Variants in MEMO1 observed in about 807,000 individuals in gnomAD.
MEMO1 encodes the protein mediator of cell motility 1, also known as protein MEMO1.
Under a neutral mutation model 45.2 loss-of-function variants are expected in MEMO1, and 6 were observed. The ratio of observed to expected loss-of-function variants is 0.13; its 90% CI spans 0.07 to 0.26. The LOEUF (loss-of-function observed/expected upper bound fraction) is 0.26, where lower values mean the gene tolerates loss of function less well. MEMO1 is among the 10% of genes least tolerant of loss of function. The pLI is 1.00. For synonymous variants in MEMO1, 78 were observed against 124.3 expected, an observed-to-expected ratio of 0.63 and a Z score of 2.48; for missense variants, 184 against 370.5, an observed-to-expected ratio of 0.50 and a Z score of 4.13.
intron 6 of MEMO1, among the ~76,000 whole-genome samples, chr2:31,913,053 C>T (rs1174748018): frequency 3.3e-5 from 5 of 151,988 alleles, no homozygotes; most frequent in East Asian, 1.9e-4. Context: ...CCAAGGCGGG[C>T]GGATCACGAG....
rs180843355 is a variant in MEMO1, at chr2:31,979,789, T to C, written c.61+30398A>G. ...TGATGATTGTCAGAAAAATCACAATTTAAAGATAGATATTGCTAACTTCTA... is the reference window on the plus strand; with the variant it reads ...TGATGATTGTCAGAAAAATCACAATCTAAAGATAGATATTGCTAACTTCTA... On this transcript the variant is annotated intron_variant, in intron 2 of 9. Transcript: ENST00000404530. 9.0e-4 allele frequency among the ~76,000 whole-genome samples: 137 copies of C among 152,240 alleles called. 1 individual carries two copies. The highest frequency in any genetic ancestry group is 3.1e-3 in the African/African-American group (128 of 41,562).
At chr2:31,991,669 T>C (rs769412022) in intron 2 of MEMO1, among the ~76,000 whole-genome samples, 1 of 65,986 alleles carries the variant, frequency 1.5e-5, no homozygotes, top group Non-Finnish European at 2.8e-5. Context: ...TAAGCCAATA[T>C]TAAGCCATAA....
In MEMO1 at chr2:31,943,271, CAAAACAAAAACA is replaced by C. The variant is rs772267665; in HGVS notation, c.143+19_143+30del. On this transcript the variant is annotated intron_variant, in intron 3 of 9. Transcript: ENST00000404530. ...CACAGGGAGACTCCTTCTCAAAAAA[CAAAACAAAAACA>C]AAAACAAAAAAGACTTACGGGGCAA... The C allele has an allele frequency of 1.3e-6, 2 of 1,564,522 alleles. No homozygotes were observed. The highest frequency in any genetic ancestry group is 1.7e-5 in the Admixed American group (1 of 59,830).
chr2:31,894,801 G>C (rs1423893478), intron 6 of MEMO1, among the ~76,000 whole-genome samples: 9 of 152,138 alleles, frequency 5.9e-5, no homozygotes, highest in African/African-American at 2.2e-4. Context: ...ATACTTAGTT[G>C]ATTCTTTCTT....
In MEMO1 at chr2:31,912,521, A is replaced by G. The variant is rs417031; in HGVS notation, c.437+5405T>C. On this transcript the variant is annotated intron_variant, in intron 6 of 9. Coordinates refer to ENST00000404530, the MANE Select transcript of MEMO1 (RefSeq NM_001301833.4). The stretch of plus-strand genomic sequence containing the variant: ...AGAATGAAACTCTGTCTCAAAAAAA[A>G]AAAAAAAAAAAGCAATTATAATAGT... 9.0e-3 allele frequency among the ~76,000 whole-genome samples: 1,366 copies of G among 151,122 alleles called. 19 individuals carry two copies. Among genetic ancestry groups the G allele is most frequent in the African/African-American group, 0.031 (1,269 of 41,358 alleles).
At chr2:31,880,292 C>G (rs1675164037) in intron 8 of MEMO1, among the ~76,000 whole-genome samples, 1 of 152,040 alleles carries the variant, frequency 6.6e-6, no homozygotes, top group African/African-American at 2.4e-5. Context: ...AGTTAAACAA[C>G]TGAAATGAAA....
intron 2 of MEMO1, among the ~76,000 whole-genome samples, chr2:31,998,730 G>A (rs902791299): frequency 1.3e-5 from 2 of 151,818 alleles, no homozygotes; most frequent in East Asian, 3.9e-4. Context: ...AACCCAGGAG[G>A]CGGACATTGC....
Position 31,884,519 on chromosome 2 carries a change from T to C in MEMO1, c.581-1057A>G, listed in dbSNP as rs34753532. Reference sequence around the variant, plus strand: ...GAAGACATGGAACTCTTCGGCTAGATAATTAAGATTTTTAAGTTTTCTGTT... The same window carrying C: ...GAAGACATGGAACTCTTCGGCTAGACAATTAAGATTTTTAAGTTTTCTGTT... On this transcript the variant is annotated intron_variant, in intron 7 of 9. Coordinates refer to ENST00000404530, the MANE Select transcript of MEMO1 (RefSeq NM_001301833.4). Among the ~76,000 whole-genome samples the C allele has an allele frequency of 7.0e-3, 1,071 of 152,294 alleles. 4 individuals are homozygous for C. Among genetic ancestry groups the C allele is most frequent in the Non-Finnish European group, 0.012 (811 of 68,004 alleles).
At chr2:31,902,721 C>A (rs545172962) in intron 6 of MEMO1, among the ~76,000 whole-genome samples, 1 of 152,208 alleles carries the variant, frequency 6.6e-6, no homozygotes, top group South Asian at 2.1e-4. Context: ...AATCCAAGAA[C>A]CTCCCCCTCA....
intron 2 of MEMO1, among the ~76,000 whole-genome samples, chr2:31,965,809 T>C (rs902964167): frequency 3.3e-5 from 5 of 151,976 alleles, no homozygotes; most frequent in African/African-American, 1.2e-4. Flanking sequence ...AAACACACTG[T>C]GGCCTGTCAG....
intron 6 of MEMO1, among the ~76,000 whole-genome samples, chr2:31,911,073 G>C (rs1422045093): frequency 6.6e-6 from 1 of 151,904 alleles, no homozygotes; most frequent in African/African-American, 2.4e-5. Context: ...GCAATGATTA[G>C]AAAAGGATAG....
intron 2 of MEMO1, among the ~76,000 whole-genome samples, chr2:31,960,977 T>A (rs543734634): frequency 6.6e-6 from 1 of 152,236 alleles, no homozygotes; most frequent in African/African-American, 2.4e-5. Context: ...AAAAGTTTGC[T>A]AAGCAAATAC....
chr2:31,989,018 C>T (rs1671615384), intron 2 of MEMO1, among the ~76,000 whole-genome samples: 1 of 151,780 alleles, frequency 6.6e-6, no homozygotes, highest in Non-Finnish European at 1.5e-5. Context: ...ACCAGCCTGA[C>T]CAACATGGAG....
At chr2:31,983,436 G>T (rs374942114) in intron 2 of MEMO1, among the ~76,000 whole-genome samples, 1 of 151,600 alleles carries the variant, frequency 6.6e-6, no homozygotes, top group East Asian at 1.9e-4. Context: ...TTAGTTTTTT[G>T]TTTTTTTTGT....
At chr2:31,991,337 C>T (rs186504562) in intron 2 of MEMO1, among the ~76,000 whole-genome samples, 1 of 152,134 alleles carries the variant, frequency 6.6e-6, no homozygotes, top group African/African-American at 2.4e-5. Flanking sequence ...CTTTGGGAGC[C>T]GAGGTGGGAG....
At chr2:31,895,426 T>C (rs1179140700) in intron 6 of MEMO1, among the ~76,000 whole-genome samples, 1 of 152,030 alleles carries the variant, frequency 6.6e-6, no homozygotes, top group Non-Finnish European at 1.5e-5. Flanking sequence ...AAGAAATAAA[T>C]GCAAACTATT....
At chr2:31,978,468 T>C (rs1369477011) in intron 2 of MEMO1, among the ~76,000 whole-genome samples, 1 of 152,226 alleles carries the variant, frequency 6.6e-6, no homozygotes, top group Non-Finnish European at 1.5e-5. Context: ...GCTATAATTA[T>C]TAAAGAGAAT....
At chr2:31,930,269 CTTAA>C (rs901536830) in intron 4 of MEMO1, among the ~76,000 whole-genome samples, 17 of 151,446 alleles carry the variant, frequency 1.1e-4, no homozygotes, top group East Asian at 1.9e-4. Flanking sequence ...CTCAAAAATA[CTTAA>C]TTAATTAATT....
chr2:31,993,685 T>C (rs1672210026), intron 2 of MEMO1, among the ~76,000 whole-genome samples: 1 of 152,174 alleles, frequency 6.6e-6, no homozygotes, highest in Non-Finnish European at 1.5e-5. Flanking sequence ...AAGAAACTCT[T>C]CTGGGGAAAG....
Sources: gnomAD v4.1 joint callset for allele counts (sites outside exome capture counted in the v4.1 genomes callset) on GRCh38, gnomAD v4.1.1 for gene constraint, MANE v1.5 for transcripts, NCBI Gene and HGNC (gene_info 2026-07-23, HGNC 2026-07-21) for gene names.